CEP128: variants seen among roughly 807,000 people sequenced by gnomAD.
CEP128 encodes the protein centrosomal protein 128kDa.
CEP128 carries 132 observed loss-of-function variants against 156.7 expected under a neutral mutation model. That is an observed-to-expected ratio of 0.84 (90% CI 0.73 to 0.97). CEP128 has a LOEUF of 0.97. Ranked by LOEUF, CEP128 falls within the 50% of genes least tolerant of loss-of-function variation. The pLI is 0.00. For synonymous variants in CEP128, 469 were observed against 448.9 expected (o/e 1.04, Z -0.57); for missense variants, 1,252 against 1,281.9 (o/e 0.98, Z 0.36).
intron 21 of CEP128, among the ~76,000 whole-genome samples, chr14:80,548,025 C>T (rs1009938939): frequency 1.3e-5 from 2 of 152,096 alleles, no homozygotes; most frequent in Admixed American, 1.3e-4. Context: ...GTCTCGAACT[C>T]CTGACCTCAG....
chr14:80,730,384 T>C (rs1387556134), intron 19 of CEP128, among the ~76,000 whole-genome samples: 2 of 152,188 alleles, frequency 1.3e-5, no homozygotes, highest in Non-Finnish European at 2.9e-5. Context: ...AGTTAACTTA[T>C]ATTGGGTCAT....
chr14:80,862,789 G>A lies in CEP128; in HGVS notation c.730C>T (p.Gln244Ter). The A allele has an allele frequency of 6.2e-7, 1 of 1,613,616 alleles. No homozygotes were observed. The highest frequency in any genetic ancestry group is 1.7e-5 in the Admixed American group (1 of 60,012). Residue 244 changes from glutamine (Q) to a stop codon, truncating the protein, a stop_gained, in exon 9 of 25, where the codon CAA becomes TAA. Coordinates refer to ENST00000555265, the MANE Select transcript of CEP128 (RefSeq NM_152446.5). LOFTEE classifies it high-confidence loss of function. ...ERELVERRQD[Q>*]LGLMSLQLQE... ...AGCTGCAGGGACATGAGTCCCAGTT[G>A]ATCCTGGCGTCTTTCCACCAGCTCC...
intron 8 of CEP128, among the ~76,000 whole-genome samples, chr14:80,864,762 G>A (rs10144828): frequency 0.065 from 9,825 of 152,032 alleles, 1,045 homozygotes; most frequent in African/African-American, 0.22. Context: ...TCACCATGTC[G>A]GCCAGGATGG....
intron 19 of CEP128, among the ~76,000 whole-genome samples, chr14:80,738,115 A>T (rs1898627668): frequency 6.6e-6 from 1 of 152,178 alleles, no homozygotes; most frequent in South Asian, 2.1e-4. Context: ...AATCTGAAAA[A>T]CTGTGAAATG....
At chr14:80,939,323 T>C (rs1751518680) in intron 2 of CEP128, 62 bp downstream of exon 2, 1 of 142,260 alleles carries the variant, frequency 7.0e-6, no homozygotes, top group Admixed American at 7.1e-5. Flanking sequence ...GGCATAGTCT[T>C]TTCTACCATA....
chr14:80,678,049 A>AATATATAT (rs1555390205), intron 19 of CEP128, among the ~76,000 whole-genome samples: 2 of 98,502 alleles, frequency 2.0e-5, no homozygotes, highest in African/African-American at 6.3e-5. Context: ...ATAAAAAAAA[A>AATATATAT]ATATATATAT....
intron 12 of CEP128, among the ~76,000 whole-genome samples, chr14:80,834,635 C>T (rs557741408): frequency 6.6e-6 from 1 of 152,082 alleles, no homozygotes; most frequent in South Asian, 2.1e-4. Context: ...CTAAGAAAAG[C>T]TCAATATTTT....
At chr14:80,780,121 T>G (rs909668294) in intron 15 of CEP128, among the ~76,000 whole-genome samples, 3 of 152,072 alleles carry the variant, frequency 2.0e-5, no homozygotes, top group Non-Finnish European at 4.4e-5. Context: ...AGAGGGGTGA[T>G]TCTAGAAGGA....
chr14:80,533,594 T>C (rs916852116), intron 21 of CEP128, among the ~76,000 whole-genome samples: 2 of 152,182 alleles, frequency 1.3e-5, no homozygotes, highest in African/African-American at 2.4e-5. Flanking sequence ...GGCTATGTTT[T>C]TGTGAGTGAA....
intron 6 of CEP128, among the ~76,000 whole-genome samples, chr14:80,901,528 G>A (rs980739572): frequency 6.6e-6 from 1 of 152,190 alleles, no homozygotes; most frequent in South Asian, 2.1e-4. Flanking sequence ...CAGTCAAGTG[G>A]AGCTAAGGGT....
intron 19 of CEP128, among the ~76,000 whole-genome samples, chr14:80,636,587 G>A (rs1048070052): frequency 2.0e-5 from 3 of 152,102 alleles, no homozygotes; most frequent in African/African-American, 7.2e-5. Context: ...TTGCACCAGA[G>A]AATTAGAGAT....
intron 19 of CEP128, among the ~76,000 whole-genome samples, chr14:80,657,279 T>C (rs561561439): frequency 5.2e-4 from 79 of 150,498 alleles, no homozygotes; most frequent in African/African-American, 1.9e-3. Flanking sequence ...TTAAAAAAAA[T>C]GGTGGCTTGT....
Position 80,743,212 on chromosome 14 carries a change from T to C in CEP128, c.2669A>G (p.Asn890Ser), listed in dbSNP as rs149065030. ...GCAGAGCATCAGCTGGTGTCGCAGATTTTTCTCTCTGTTTTCTCTCTCTTT... is the reference window on the plus strand; with the variant it reads ...GCAGAGCATCAGCTGGTGTCGCAGACTTTTCTCTCTGTTTTCTCTCTCTTT... ...ELKERENREK[N>S]LRHQLMLCRQ... is the part of the protein sequence containing the mutation. The change falls in exon 19 of 25, where the codon AAT (asparagine) becomes AGT (serine). Residue 890 changes from asparagine (N) to serine (S), a missense_variant. Asn to Ser is a conservative substitution (Grantham distance 46). Coordinates refer to ENST00000555265, the MANE Select transcript of CEP128 (RefSeq NM_152446.5). The C allele has an allele frequency of 2.7e-5, 44 of 1,613,564 alleles. No individual in the cohort carries two copies. The highest frequency in any genetic ancestry group is 3.5e-5 in the Non-Finnish European group (41 of 1,179,844).
At chr14:80,784,413 T>A (rs1430577378) in intron 15 of CEP128, among the ~76,000 whole-genome samples, 1 of 152,018 alleles carries the variant, frequency 6.6e-6, no homozygotes, top group Non-Finnish European at 1.5e-5. Context: ...AAATGCAAGA[T>A]CCCAATTAGG....
At chr14:80,929,916 G>A (rs933565458) in intron 2 of CEP128, among the ~76,000 whole-genome samples, 44 of 152,176 alleles carry the variant, frequency 2.9e-4, no homozygotes, top group African/African-American at 7.7e-4. Context: ...GTTAGGAACC[G>A]GGATGCAGAG....
chr14:80,479,258 T>C (rs1380802065), intron 14 of CEP128, among the ~76,000 whole-genome samples: 4 of 152,228 alleles, frequency 2.6e-5, no homozygotes, highest in Admixed American at 2.0e-4. Flanking sequence ...GGGTGGATTA[T>C]GCAAGTAAAA....
At chr14:80,912,535 T>C (rs575487727) in intron 4 of CEP128, among the ~76,000 whole-genome samples, 5 of 152,296 alleles carry the variant, frequency 3.3e-5, no homozygotes, top group African/African-American at 1.2e-4. Context: ...ATTCCCATTA[T>C]TAATAAGGTA....
intron 9 of CEP128, among the ~76,000 whole-genome samples, chr14:80,857,498 C>T (rs1387125146): frequency 1.3e-5 from 2 of 151,758 alleles, no homozygotes; most frequent in African/African-American, 4.8e-5. Context: ...TTTAGGAGGC[C>T]AAGGTGGGCA....
chr14:80,917,677 T>C (rs1225457582), intron 2 of CEP128, among the ~76,000 whole-genome samples: 5 of 152,192 alleles, frequency 3.3e-5, no homozygotes, highest in Non-Finnish European at 7.3e-5. Context: ...AAAACATTTC[T>C]TGAATGACAG....
Sources: gnomAD v4.1 joint callset for allele counts (sites outside exome capture counted in the v4.1 genomes callset) on GRCh38, gnomAD v4.1.1 for gene constraint, MANE v1.5 for transcripts, NCBI Gene and HGNC (gene_info 2026-07-23, HGNC 2026-07-21) for gene names.